NEMP2: variants seen among roughly 807,000 people sequenced by gnomAD.
NEMP2 encodes nuclear envelope integral membrane protein 2.
A neutral mutation model predicts 54.2 loss-of-function variants in NEMP2; 53 were observed. The observed-to-expected ratio is 0.98, with a 90% CI of 0.78 to 1.23. The LOEUF (loss-of-function observed/expected upper bound fraction) is 1.23, where lower values mean the gene tolerates loss of function less well. Among genes scored for constraint, NEMP2 ranks in the 50% most tolerant of loss-of-function variants. The pLI, the probability that NEMP2 is intolerant of heterozygous loss-of-function variation, is 0.00. For missense variants in NEMP2, 455 were observed against 511.3 expected (o/e 0.89, Z 1.06); for synonymous variants, 197 against 190.3 (o/e 1.04, Z -0.29).
the NEMP2 span, among the ~76,000 whole-genome samples, chr2:190,438,181 C>G: frequency 6.1e-3 from 910 of 148,580 alleles, 6 homozygotes; most frequent in South Asian, 0.036. The surrounding 1 kb of genome is among the most constrained non-coding windows in gnomAD (Gnocchi z 5.2). Context: ...AATCTTTCTT[C>G]CACCTAAAAT....
chr2:190,540,120 T>A, the NEMP2 span, among the ~76,000 whole-genome samples: 151,715 of 152,304 alleles, frequency 1, 75,566 homozygotes, highest in Middle Eastern at 1. Flanking sequence ...GAAGGTTTTT[T>A]TCATAAAGGG....
At chr2:190,463,562 A>G in the NEMP2 span, among the ~76,000 whole-genome samples, 1 of 152,208 alleles carries the variant, frequency 6.6e-6, no homozygotes, top group Non-Finnish European at 1.5e-5. This position sits in a 1 kb window ranked among gnomAD's most constrained non-coding sequence, Gnocchi z 4.4. Context: ...GCTCATGCCT[A>G]TAATCCCAGC....
the NEMP2 span, among the ~76,000 whole-genome samples, chr2:190,456,339 G>C: frequency 3.9e-5 from 6 of 152,316 alleles, no homozygotes; most frequent in Non-Finnish European, 5.9e-5. This position sits in a 1 kb window ranked among gnomAD's most constrained non-coding sequence, Gnocchi z 5.4. Flanking sequence ...ATTGACTTCA[G>C]TCTGAGTGCT....
the NEMP2 span, chr2:190,497,408 A>C: frequency 1.9e-6 from 3 of 1,600,074 alleles, no homozygotes; most frequent in Non-Finnish European, 2.6e-6. This position sits in a 1 kb window ranked among gnomAD's most constrained non-coding sequence, Gnocchi z 5.2. Context: ...AAAATGCTGA[A>C]AAAATAGTTT....
the NEMP2 span, among the ~76,000 whole-genome samples, chr2:190,558,379 G>A: frequency 1.3e-5 from 2 of 152,138 alleles, no homozygotes; most frequent in African/African-American, 2.4e-5. This position sits in a 1 kb window ranked among gnomAD's most constrained non-coding sequence, Gnocchi z 4.4. Flanking sequence ...TAGATGACGG[G>A]TTGATGGGTG....
At chr2:190,446,298 C>T in the NEMP2 span, among the ~76,000 whole-genome samples, 13 of 152,206 alleles carry the variant, frequency 8.5e-5, no homozygotes, top group Non-Finnish European at 1.3e-4. Flanking sequence ...AACATAAAAG[C>T]CAGGTGGATG....
At chr2:190,589,727 C>CAG in the NEMP2 span, among the ~76,000 whole-genome samples, 1 of 152,166 alleles carries the variant, frequency 6.6e-6, no homozygotes. The surrounding 1 kb of genome is among the most constrained non-coding windows in gnomAD (Gnocchi z 4.3). Context: ...ACTCCATGGA[C>CAG]AGAACTCAAG....
rs565564438 is a variant in NEMP2 at position 190,525,150 on chromosome 2, C to T, written c.213+113G>A. The T allele has an allele frequency of 4.6e-4, 283 of 621,162 alleles. 1 individual carries two copies. The highest frequency in any genetic ancestry group is 7.0e-4 in the Admixed American group (24 of 34,362). 38.5% of individuals were successfully genotyped at this position (621,162 alleles called of 1,614,324 possible). A position where few individuals can be genotyped will look rare whatever the true frequency, so the allele number is the denominator to read the frequency against. ...CCTCAAGTCAGCTTTCATAGTGATA[C>T]ACAGATCTGTGTCATACCAAAAATA... On this transcript the variant is annotated intron_variant, in intron 2 of 8. Coordinates refer to ENST00000409150, the MANE Select transcript of NEMP2 (RefSeq NM_001142645.2). The surrounding 1 kb of genome is among the most constrained non-coding windows in gnomAD (Gnocchi z 5.0).
At position 190,506,705 on chromosome 2, in the gene NEMP2, G is replaced by A. The variant is rs1690196927; in HGVS notation, c.*2484C>T. ...TTTAAAAATAACACTTGAATGATAC[G>A]ATTGTTTAAGCATAGCCACCTACAC... On this transcript the variant is annotated 3_prime_UTR_variant, in exon 9 of 9. Transcript: ENST00000409150. This position sits in a 1 kb window ranked among gnomAD's most constrained non-coding sequence, Gnocchi z 6.3. 6.6e-6 allele frequency: 1 copy of A among 152,160 alleles called. No homozygotes were observed. Among genetic ancestry groups the A allele is most frequent in the Non-Finnish European group, 1.5e-5 (1 of 68,034 alleles). The allele number at this position is 152,160 out of a possible 1,614,324, so 9.4% of individuals were successfully genotyped here.
the NEMP2 span, among the ~76,000 whole-genome samples, chr2:190,563,821 T>C: frequency 1.6e-4 from 24 of 152,342 alleles, no homozygotes; most frequent in South Asian, 5.0e-3. This position sits in a 1 kb window ranked among gnomAD's most constrained non-coding sequence, Gnocchi z 4.3. Flanking sequence ...CCAGAGCAAT[T>C]CCAGAGCCAA....
chr2:190,466,771 T>G, the NEMP2 span, among the ~76,000 whole-genome samples: 1 of 152,202 alleles, frequency 6.6e-6, no homozygotes, highest in Non-Finnish European at 1.5e-5. Context: ...TGTTTGCTCC[T>G]AAAGGACTAT....
the NEMP2 span, among the ~76,000 whole-genome samples, chr2:190,427,699 T>A: frequency 6.6e-6 from 1 of 151,886 alleles, no homozygotes; most frequent in Non-Finnish European, 1.5e-5. Context: ...TTGTGTCTAC[T>A]CCATCTTCTT....
At chr2:190,446,403 C>T in the NEMP2 span, among the ~76,000 whole-genome samples, 1 of 152,218 alleles carries the variant, frequency 6.6e-6, no homozygotes, top group Non-Finnish European at 1.5e-5. Flanking sequence ...AAGGCACAGG[C>T]ACTTTACTCT....
chr2:190,607,245 T>C, the NEMP2 span, among the ~76,000 whole-genome samples: 554 of 152,206 alleles, frequency 3.6e-3, 3 homozygotes, highest in Non-Finnish European at 5.7e-3. The surrounding 1 kb of genome is among the most constrained non-coding windows in gnomAD (Gnocchi z 5.2). Context: ...AGCTTGGGTA[T>C]GTGTAGGAGG....
At chr2:190,583,022 TGG>T in the NEMP2 span, among the ~76,000 whole-genome samples, 1 of 152,170 alleles carries the variant, frequency 6.6e-6, no homozygotes, top group Non-Finnish European at 1.5e-5. Flanking sequence ...GAATGCTGCT[TGG>T]CTAGATGTGA....
chr2:190,427,574 C>T, the NEMP2 span, among the ~76,000 whole-genome samples: 2 of 152,132 alleles, frequency 1.3e-5, no homozygotes, highest in Non-Finnish European at 2.9e-5. Context: ...TCCTTGGGTA[C>T]CAAGGTCCAT....
chr2:190,439,618 A>G, the NEMP2 span, among the ~76,000 whole-genome samples: 1 of 152,144 alleles, frequency 6.6e-6, no homozygotes, highest in Non-Finnish European at 1.5e-5. This position sits in a 1 kb window ranked among gnomAD's most constrained non-coding sequence, Gnocchi z 5.8. Flanking sequence ...GTGTAGTATT[A>G]GTTACTCATC....
chr2:190,625,696 C>G, the NEMP2 span: 1 of 152,156 alleles, frequency 6.6e-6, no homozygotes, highest in South Asian at 2.1e-4. Flanking sequence ...TCAATGCTGT[C>G]AGGTATTTAC....
chr2:190,566,808 G>T, the NEMP2 span, among the ~76,000 whole-genome samples: 74 of 152,042 alleles, frequency 4.9e-4, no homozygotes, highest in East Asian at 8.1e-3. Context: ...AATATAGGGG[G>T]TTTTTTCCCC....
Sources: allele counts gnomAD v4.1 joint callset (sites outside exome capture counted in the v4.1 genomes callset), GRCh38; gene constraint gnomAD v4.1.1; non-coding constraint Gnocchi (gnomAD v3.1); transcripts MANE v1.5; gene names NCBI Gene and HGNC (gene_info 2026-07-23, HGNC 2026-07-21).